Variants in CXCL13 observed in about 807,000 individuals in gnomAD.
CXCL13 encodes C-X-C motif chemokine 13.
CXCL13 carries 7 observed loss-of-function variants against 12.2 expected under a neutral mutation model. That is an observed-to-expected ratio of 0.57 (90% CI 0.33 to 1.07). The LOEUF (loss-of-function observed/expected upper bound fraction) is 1.07, where lower values mean the gene tolerates loss of function less well. Among genes scored for constraint, CXCL13 ranks in the 50% least tolerant of loss-of-function variants. The pLI is 0.04. For missense variants in CXCL13, 113 were observed against 127.4 expected (o/e 0.89, Z 0.55); for synonymous variants, 47 against 42.4 (o/e 1.11, Z -0.42).
chr4:77,575,791 C>T (rs1217193607), intron 1 of CXCL13, among the ~76,000 whole-genome samples: 1 of 151,740 alleles, frequency 6.6e-6, no homozygotes, highest in East Asian at 1.9e-4. Flanking sequence ...GATTACCTGG[C>T]ATGTTTAGGT....
chr4:77,553,416 A>G (rs1725581071), intron 1 of CXCL13, among the ~76,000 whole-genome samples: 1 of 152,228 alleles, frequency 6.6e-6, no homozygotes, highest in Non-Finnish European at 1.5e-5. Flanking sequence ...TCCTGCCCTC[A>G]GTTCCAGGTC....
chr4:77,512,562 G>C (rs1489498330), intron 1 of CXCL13, among the ~76,000 whole-genome samples: 1 of 152,040 alleles, frequency 6.6e-6, no homozygotes, highest in Non-Finnish European at 1.5e-5. Context: ...CCTTTTCTCT[G>C]TGTGTCTGTG....
At chr4:77,512,894 C>T (rs373808524) in intron 1 of CXCL13, among the ~76,000 whole-genome samples, 48 of 152,166 alleles carry the variant, frequency 3.2e-4, no homozygotes, top group African/African-American at 9.6e-4. Flanking sequence ...TCATCATTTA[C>T]GTTAGGTATT....
chr4:77,548,887 G>T (rs1240869241), intron 1 of CXCL13, among the ~76,000 whole-genome samples: 1 of 152,210 alleles, frequency 6.6e-6, no homozygotes, highest in Admixed American at 6.5e-5. Flanking sequence ...AGCCTGCATT[G>T]CTAGGTTGGG....
chr4:77,591,923 CTG>C (rs1726622546), intron 1 of CXCL13, among the ~76,000 whole-genome samples: 1 of 152,228 alleles, frequency 6.6e-6, no homozygotes, highest in African/African-American at 2.4e-5. Context: ...CACTTAAACT[CTG>C]AGCTCCAAAT....
At chr4:77,539,119 C>T (rs1725140195) in intron 1 of CXCL13, among the ~76,000 whole-genome samples, 1 of 149,808 alleles carries the variant, frequency 6.7e-6, no homozygotes, top group Admixed American at 6.7e-5. Context: ...GGCTGGAGGG[C>T]AGTGGCGTGA....
chr4:77,583,118 G>A (rs1726378012), intron 1 of CXCL13, among the ~76,000 whole-genome samples: 1 of 152,254 alleles, frequency 6.6e-6, no homozygotes, highest in South Asian at 2.1e-4. Context: ...CTCTTCCTTA[G>A]GTCAGAGAGC....
rs577087070 is a variant in CXCL13 at position 77,571,222 on chromosome 4, C to T, written c.-42-34602C>T. On this transcript the variant is annotated intron_variant, in intron 1 of 4. Coordinates refer to the CXCL13 transcript ENST00000286758. ...GTGTTTAGCTCAAGATTTGTGAATG[C>T]GCCAGTCAACACTCTGTATCTAGCT... Among the ~76,000 whole-genome samples the T allele has an allele frequency of 7.9e-5, 12 of 151,810 alleles. No homozygotes were observed. In the South Asian group the frequency reaches 1.7e-3, roughly 21 times the overall value.
At chr4:77,563,810 C>G (rs1725867604) in intron 1 of CXCL13, among the ~76,000 whole-genome samples, 1 of 152,198 alleles carries the variant, frequency 6.6e-6, no homozygotes, top group Non-Finnish European at 1.5e-5. Context: ...ATATAACTGT[C>G]TTCTATGGGA....
intron 1 of CXCL13, among the ~76,000 whole-genome samples, chr4:77,524,366 C>T (rs1349785665): frequency 6.6e-6 from 1 of 152,198 alleles, no homozygotes; most frequent in Non-Finnish European, 1.5e-5. Flanking sequence ...GTAGGCCTTG[C>T]TGAGCTGTGG....
chr4:77,541,009 G>T (rs1725193908), intron 1 of CXCL13, among the ~76,000 whole-genome samples: 1 of 152,102 alleles, frequency 6.6e-6, no homozygotes, highest in Non-Finnish European at 1.5e-5. Context: ...ATGATGTGAT[G>T]TTGAACATTT....
At chr4:77,549,932 G>T (rs1725466782) in intron 1 of CXCL13, among the ~76,000 whole-genome samples, 1 of 152,188 alleles carries the variant, frequency 6.6e-6, no homozygotes. Flanking sequence ...ATTCAGCTAT[G>T]CCCTGCCCCC....
intron 1 of CXCL13, among the ~76,000 whole-genome samples, chr4:77,522,824 G>T (rs1196498455): frequency 1.3e-5 from 2 of 151,802 alleles, no homozygotes; most frequent in Non-Finnish European, 2.9e-5. Context: ...TTACTATTTG[G>T]CATGATTTGC....
chr4:77,567,041 C>T (rs1016339660), intron 1 of CXCL13, among the ~76,000 whole-genome samples: 34 of 152,138 alleles, frequency 2.2e-4, no homozygotes, highest in Non-Finnish European at 4.0e-4. Context: ...TTGTTCCTGC[C>T]TCACCCTAAC....
chr4:77,516,346 C>T (rs1262969901), intron 1 of CXCL13, among the ~76,000 whole-genome samples: 1 of 152,204 alleles, frequency 6.6e-6, no homozygotes, highest in East Asian at 1.9e-4. Flanking sequence ...AGGATTCCCT[C>T]TTTTTCTATT....
At chr4:77,566,961 AC>A in intron 1 of CXCL13, among the ~76,000 whole-genome samples, 1 of 152,320 alleles carries the variant, frequency 6.6e-6, no homozygotes, top group South Asian at 2.1e-4. Flanking sequence ...GCCTGAAGCA[AC>A]TGAAGATTCA....
At chr4:77,565,705 T>C (rs1725911577) in intron 1 of CXCL13, among the ~76,000 whole-genome samples, 1 of 152,172 alleles carries the variant, frequency 6.6e-6, no homozygotes, top group African/African-American at 2.4e-5. Context: ...ACTCACCGTC[T>C]AGTAGTAAAA....
intron 1 of CXCL13, among the ~76,000 whole-genome samples, chr4:77,571,863 G>C (rs1726091097): frequency 1.3e-5 from 2 of 151,740 alleles, no homozygotes; most frequent in Admixed American, 6.5e-5. Flanking sequence ...GCGAAGATCT[G>C]CAGCTTCACT....
chr4:77,611,243 CA>C lies in CXCL13; in HGVS notation c.*205del. The C allele has an allele frequency of 4.6e-6, 2 of 437,274 alleles. No individual in the cohort carries two copies. Among genetic ancestry groups the C allele is most frequent in the East Asian group, 6.6e-5 (2 of 30,320 alleles). The allele number at this position is 437,274 out of a possible 1,614,324, so 27.1% of individuals were successfully genotyped here. ...GCACCCTATATACACTTGGAGTTTG[CA>C]TTCTTATTCATCAGGGAGGAAAGTT... On this transcript the variant is annotated 3_prime_UTR_variant, in exon 4 of 4. Transcript: ENST00000682537.
Sources: gnomAD v4.1 joint callset for allele counts (sites outside exome capture counted in the v4.1 genomes callset) on GRCh38, gnomAD v4.1.1 for gene constraint, MANE v1.5 for transcripts, NCBI Gene and HGNC (gene_info 2026-07-23, HGNC 2026-07-21) for gene names.